The following ITGAM variants were observed in gnomAD, a reference collection of about 807,000 sequenced individuals.
ITGAM encodes the protein integrin subunit alpha M.
A neutral mutation model predicts 137.5 loss-of-function variants in ITGAM; 79 were observed. That is an observed-to-expected ratio of 0.57 (90% CI 0.48 to 0.69). The LOEUF (loss-of-function observed/expected upper bound fraction) is 0.69, where lower values mean the gene tolerates loss of function less well. ITGAM is among the 30% of genes least tolerant of loss of function. The pLI is 0.00. For missense variants in ITGAM, 1,343 were observed against 1,483.5 expected (o/e 0.91, Z 1.56); for synonymous variants, 583 against 592.3 (o/e 0.98, Z 0.23).
intron 14 of ITGAM, among the ~76,000 whole-genome samples, chr16:31,302,435 C>CT (rs748828542): frequency 1.1e-5 from 1 of 93,258 alleles, no homozygotes; most frequent in Non-Finnish European, 2.0e-5. Context: ...TTTCTTCTTT[C>CT]TTTCTTTCTT....
At chr16:31,272,452 TATATATATATA>T (rs1196936324) in intron 7 of ITGAM, among the ~76,000 whole-genome samples, 10 of 13,292 alleles carry the variant, frequency 7.5e-4, no homozygotes, top group African/African-American at 1.6e-3. Flanking sequence ...TATATATATA[TATATATATATA>T]TTTTTTTTTT....
chr16:31,327,098 A>G (rs1404706412), intron 22 of ITGAM, 163 bp downstream of exon 22: 7 of 673,902 alleles, frequency 1.0e-5, no homozygotes, highest in Non-Finnish European at 1.9e-5. Flanking sequence ...CCTTGTGCTG[A>G]GTGCTGGTGG....
rs2080287467 is a variant in ITGAM at position 31,308,366 on chromosome 16, GTT to G, written c.1707+10414_1707+10415del. ...TATTCAGAGATTCAGCTTCTTCCTG[GTT>G]TAGTCTTGGGAGAGTGTATGTGTCG... On this transcript the variant is annotated intron_variant, in intron 14 of 29. Coordinates refer to ENST00000544665, the MANE Select transcript of ITGAM (RefSeq NM_000632.4). Among the ~76,000 whole-genome samples, 7 of 152,062 alleles carry G rather than the reference GTT, an allele frequency of 4.6e-5. No homozygotes were observed. In the South Asian group the frequency reaches 1.5e-3, roughly 32 times the overall value.
chr16:31,275,356 T>G (rs1163919834), intron 8 of ITGAM, among the ~76,000 whole-genome samples, 193 bp from the exon 9 acceptor site: 1 of 152,176 alleles, frequency 6.6e-6, no homozygotes, highest in East Asian at 1.9e-4. Context: ...CTGCCCCAAC[T>G]TGCTTCCTTG....
intron 5 of ITGAM, among the ~76,000 whole-genome samples, chr16:31,267,240 C>G (rs2079779688): frequency 6.6e-6 from 1 of 152,094 alleles, no homozygotes; most frequent in Non-Finnish European, 1.5e-5. Flanking sequence ...GATGGCTATG[C>G]CATCTTTTTG....
chr16:31,331,256 TCAC>T lies in ITGAM; in HGVS notation c.3370_3372del (p.Thr1124del). On this transcript the variant is annotated inframe_deletion, in exon 29 of 30. Coordinates refer to ENST00000544665, the MANE Select transcript of ITGAM (RefSeq NM_000632.4). ...GGGGGACTGCTGCTCCTGGCCCTCATCACCGCCGCGCTGTACAAGGTGCTCCCC... is the reference window on the plus strand; with the variant it reads ...GGGGGACTGCTGCTCCTGGCCCTCATCGCCGCGCTGTACAAGGTGCTCCCC... The T allele has an allele frequency of 6.2e-7, 1 of 1,610,630 alleles. No homozygotes were observed. The highest frequency in any genetic ancestry group is 8.5e-7 in the Non-Finnish European group (1 of 1,178,046).
Position 31,331,217 on chromosome 16 carries a change from T to G in ITGAM, c.3329T>G (p.Val1110Gly). ...FEVPNPLPLI[V>G]GSSVGGLLLL... is the part of the protein sequence containing the mutation. ...GTCCCCAACCCCCTGCCGCTCATCGTGGGCAGCTCTGTCGGGGGACTGCTG... is the reference window on the plus strand; with the variant it reads ...GTCCCCAACCCCCTGCCGCTCATCGGGGGCAGCTCTGTCGGGGGACTGCTG... The change falls in exon 29 of 30, where the codon GTG (valine) becomes GGG (glycine). Residue 1110 changes from valine to glycine, a missense_variant. Physicochemically the swap from Val to Gly is moderately radical, Grantham distance 109 (BLOSUM62 -3). Transcript: ENST00000544665. 1 of 1,613,478 alleles carries G rather than the reference T, an allele frequency of 6.2e-7. No individual in the cohort carries two copies. The highest frequency in any genetic ancestry group is 8.5e-7 in the Non-Finnish European group (1 of 1,179,692).
At chr16:31,289,323 C>G (rs1461251578) in intron 12 of ITGAM, among the ~76,000 whole-genome samples, 2 of 152,166 alleles carry the variant, frequency 1.3e-5, no homozygotes, top group Admixed American at 6.5e-5. Flanking sequence ...TATTGCGGCT[C>G]TATTCACAAT....
intron 23 of ITGAM, among the ~76,000 whole-genome samples, chr16:31,328,791 CAT>C (rs1491116549): frequency 1.9e-4 from 11 of 58,350 alleles, no homozygotes; most frequent in African/African-American, 9.2e-4. Flanking sequence ...TGTATTTGTG[CAT>C]GTGTGTGTGT....
chr16:31,271,720 G>A (rs929180318), intron 6 of ITGAM, 127 bp from the exon 7 acceptor site: 3 of 1,123,718 alleles, frequency 2.7e-6, no homozygotes, highest in African/African-American at 3.1e-5. Context: ...GTGAGGCAGG[G>A]GATTAGGGGC....
chr16:31,305,954 G>T (rs2080260558), intron 14 of ITGAM, among the ~76,000 whole-genome samples: 1 of 151,986 alleles, frequency 6.6e-6, no homozygotes, highest in Non-Finnish European at 1.5e-5. Context: ...TTCTGGTTTT[G>T]ATATTAGTGT....
chr16:31,330,416 A>C lies in ITGAM; in HGVS notation c.3169A>C (p.Ile1057Leu). Reference protein sequence around the residue: ...LKGNLSFDWYIKTSHNHLLIV... With the variant: ...LKGNLSFDWYLKTSHNHLLIV... ...AGGCAACCTCTCGTTTGACTGGTAC[A>C]TCAAGGTGTGTGGGGTCCTGAGGCT... The change falls in exon 27 of 30, where the codon ATC becomes CTC. Residue 1057 changes from isoleucine (I) to leucine (L), a missense_variant. Coordinates refer to ENST00000544665, the MANE Select transcript of ITGAM (RefSeq NM_000632.4). 1 of 1,613,330 alleles carries C rather than the reference A, an allele frequency of 6.2e-7. No homozygotes were observed. The highest frequency in any genetic ancestry group is 8.5e-7 in the Non-Finnish European group (1 of 1,179,202).
intron 12 of ITGAM, among the ~76,000 whole-genome samples, chr16:31,295,489 TAGTTCATTGTTAG>T (rs1426335949): frequency 6.6e-6 from 1 of 151,916 alleles, no homozygotes; most frequent in African/African-American, 2.4e-5. Context: ...CTTTTTCAGA[TAGTTCATTGTTAG>T]TGTATAGAAG....
At chr16:31,316,649 G>T (rs2080395435) in intron 14 of ITGAM, among the ~76,000 whole-genome samples, 2 of 152,094 alleles carry the variant, frequency 1.3e-5, no homozygotes, top group African/African-American at 2.4e-5. Flanking sequence ...ATTTCTGTAA[G>T]AAATGCCATT....
At position 31,325,504 on chromosome 16, in the gene ITGAM, A is replaced by G; in HGVS notation, c.2510A>G (p.Gln837Arg). The change falls in exon 21 of 30, where the codon CAG becomes CGG. Residue 837 changes from glutamine to arginine, a missense_variant. Gln to Arg is a conservative substitution (Grantham distance 43, BLOSUM62 1). Transcript: ENST00000544665. ...SYRKVSTLQNQRSQRSWRLAC... is the reference protein window; with the variant it reads ...SYRKVSTLQNRRSQRSWRLAC... ...TTTGCCTCCCCTGCCTTCCAGAACC[A>G]GCGCTCACAGCGATCCTGGCGCCTG... The G allele has an allele frequency of 1.2e-6, 2 of 1,613,880 alleles. No homozygotes were observed. Among genetic ancestry groups the G allele is most frequent in the Middle Eastern group, 1.6e-4 (1 of 6,062 alleles).
intron 19 of ITGAM, 76 bp downstream of exon 19, chr16:31,325,107 C>T: frequency 3.3e-6 from 5 of 1,496,328 alleles, no homozygotes; most frequent in Non-Finnish European, 4.6e-6. Flanking sequence ...TCCTGGCCCC[C>T]AAGGGAGCCG....
At position 31,284,908 on chromosome 16, in the gene ITGAM, C is replaced by G. The variant is rs575336751; in HGVS notation, c.1356+6799C>G. ...AAATTTCAGGCAGGGCATGTTGGCT[C>G]ATGCCTGTAATACCAGTGTAGCAGG... On this transcript the variant is annotated intron_variant, in intron 12 of 29. Transcript: ENST00000544665. Among the ~76,000 whole-genome samples, 351 of 152,140 alleles carry G rather than the reference C, an allele frequency of 2.3e-3. 6 individuals are homozygous for G. Among genetic ancestry groups the G allele is most frequent in the Non-Finnish European group, 1.9e-3 (131 of 68,004 alleles).
intron 12 of ITGAM, among the ~76,000 whole-genome samples, chr16:31,291,738 A>T (rs1471909965): frequency 6.6e-6 from 1 of 152,090 alleles, no homozygotes. Context: ...CTAAAAAAAA[A>T]TGGATCTCAT....
At position 31,331,881 on chromosome 16, in the gene ITGAM, G is replaced by T. The variant is rs897059575; in HGVS notation, c.*174G>T. 1.8e-4 allele frequency: 99 copies of T among 563,922 alleles called. 1 individual carries two copies. The highest frequency in any genetic ancestry group is 1.6e-3 in the South Asian group (81 of 49,258). 34.9% of individuals were successfully genotyped at this position (563,922 alleles called of 1,614,324 possible). On this transcript the variant is annotated 3_prime_UTR_variant, in exon 30 of 30. Coordinates refer to ENST00000544665, the MANE Select transcript of ITGAM (RefSeq NM_000632.4). ...TGTGCGTGTGTGCAAGTGTCTGTGT[G>T]CAAGTGTGTGCACATGTGTGCGTGT...
Sources: allele counts gnomAD v4.1 joint callset (sites outside exome capture counted in the v4.1 genomes callset), GRCh38; gene constraint gnomAD v4.1.1; transcripts MANE v1.5; gene names NCBI Gene and HGNC (gene_info 2026-07-23, HGNC 2026-07-21).